ANO10: variants seen among roughly 807,000 people sequenced by gnomAD.
ANO10 encodes the protein anoctamin 10, also known as anoctamin-10.
In ANO10, 77 loss-of-function variants were observed where a neutral mutation model predicts 74.7. The ratio of observed to expected loss-of-function variants is 1.03; its 90% CI spans 0.86 to 1.25. The LOEUF (loss-of-function observed/expected upper bound fraction) is 1.25. Among genes scored for constraint, ANO10 ranks in the 50% most tolerant of loss-of-function variants. The pLI is 0.00. For missense variants in ANO10, 721 were observed against 778.1 expected, an observed-to-expected ratio of 0.93 and a Z score of 0.87; for synonymous variants, 279 against 284.9, an observed-to-expected ratio of 0.98 and a Z score of 0.21.
At chr3:43,538,492 A>G (rs2078813842) in intron 11 of ANO10, among the ~76,000 whole-genome samples, 1 of 152,226 alleles carries the variant, frequency 6.6e-6, no homozygotes, top group Non-Finnish European at 1.5e-5. Context: ...ATACAGAAGG[A>G]TACCTTAAAG....
chr3:43,452,934 T>A (rs541378966), intron 11 of ANO10, among the ~76,000 whole-genome samples: 1 of 152,226 alleles, frequency 6.6e-6, no homozygotes, highest in Non-Finnish European at 1.5e-5. Flanking sequence ...TGATGGCTAA[T>A]GATGTAAATA....
chr3:43,530,740 T>C (rs2078429283), intron 11 of ANO10, among the ~76,000 whole-genome samples: 1 of 152,216 alleles, frequency 6.6e-6, no homozygotes, highest in South Asian at 2.1e-4. Context: ...TTACTGTCTC[T>C]AATTTATCAA....
chr3:43,564,029 A>G (rs1191908271), intron 8 of ANO10, among the ~76,000 whole-genome samples: 2 of 152,164 alleles, frequency 1.3e-5, no homozygotes, highest in Non-Finnish European at 2.9e-5. Context: ...GATACTCTAA[A>G]TACCTTGATT....
intron 1 of ANO10, among the ~76,000 whole-genome samples, chr3:43,642,036 C>T (rs1437285563): frequency 1.3e-5 from 2 of 152,162 alleles, no homozygotes; most frequent in East Asian, 3.8e-4. Context: ...CTAATAAGGA[C>T]ATTCTCCTTA....
chr3:43,568,572 C>T (rs1327831532), intron 7 of ANO10, among the ~76,000 whole-genome samples: 1 of 148,210 alleles, frequency 6.7e-6, no homozygotes. Flanking sequence ...GAACAACCTG[C>T]TCCTGAATGA....
At chr3:43,395,534 G>GA (rs1282308041) in intron 12 of ANO10, among the ~76,000 whole-genome samples, 1 of 151,974 alleles carries the variant, frequency 6.6e-6, no homozygotes, top group Non-Finnish European at 1.5e-5. Context: ...ACCGTTTATT[G>GA]AAAAGACTAT....
intron 1 of ANO10, among the ~76,000 whole-genome samples, chr3:43,621,101 C>A (rs1293667627): frequency 6.6e-6 from 1 of 152,186 alleles, no homozygotes; most frequent in Non-Finnish European, 1.5e-5. Flanking sequence ...CAATATGATA[C>A]AACTGTGTCT....
At chr3:43,585,858 G>A (rs747501893) in intron 4 of ANO10, among the ~76,000 whole-genome samples, 6 of 152,152 alleles carry the variant, frequency 3.9e-5, no homozygotes, top group Non-Finnish European at 5.9e-5. Flanking sequence ...GGAAATCCTG[G>A]TTACAAATAG....
At chr3:43,448,299 C>T (rs2093278593) in intron 11 of ANO10, among the ~76,000 whole-genome samples, 1 of 151,976 alleles carries the variant, frequency 6.6e-6, no homozygotes, top group African/African-American at 2.4e-5. Context: ...TTTTACTGCC[C>T]TAAAAACCCC....
chr3:43,569,187 A>G (rs1449081629), intron 7 of ANO10, among the ~76,000 whole-genome samples: 1 of 145,804 alleles, frequency 6.9e-6, no homozygotes, highest in Non-Finnish European at 1.5e-5. Context: ...AATTGTGGCA[A>G]TAATCAATAG....
intron 1 of ANO10, among the ~76,000 whole-genome samples, chr3:43,656,238 G>GTGCT (rs1238985854): frequency 6.6e-6 from 1 of 152,020 alleles, no homozygotes; most frequent in African/African-American, 2.4e-5. Flanking sequence ...TAGACACAGG[G>GTGCT]TGCTGATTGG....
At chr3:43,690,456 CAACT>C (rs1350487466) in intron 1 of ANO10, 2 of 153,412 alleles carry the variant, frequency 1.3e-5, no homozygotes, top group African/African-American at 4.8e-5. Context: ...GAGCAGTGCT[CAACT>C]GACTGAAGGC....
intron 11 of ANO10, among the ~76,000 whole-genome samples, chr3:43,549,235 T>G (rs773394794): frequency 6.6e-6 from 1 of 151,924 alleles, no homozygotes; most frequent in Non-Finnish European, 1.5e-5. Flanking sequence ...CCCAAATAGC[T>G]AGGACTACAA....
intron 11 of ANO10, among the ~76,000 whole-genome samples, chr3:43,522,505 AG>A (rs1178170248): frequency 6.6e-6 from 1 of 152,140 alleles, no homozygotes; most frequent in Non-Finnish European, 1.5e-5. Flanking sequence ...ACAAACCAAG[AG>A]CTTCATACAA....
intron 11 of ANO10, among the ~76,000 whole-genome samples, chr3:43,461,833 G>A (rs774865082): frequency 6.6e-5 from 10 of 152,188 alleles, no homozygotes; most frequent in Non-Finnish European, 1.2e-4. Context: ...GGGCGCTGCT[G>A]AAAAGATACC....
Position 43,565,515 on chromosome 3 carries a change from T to C in ANO10, c.1293+138A>G, listed in dbSNP as rs189832189. 218 of 787,718 alleles carry C rather than the reference T, an allele frequency of 2.8e-4. 1 individual carries two copies. In the African/African-American group the frequency reaches 3.0e-3, roughly 11 times the overall value. 48.8% of individuals were successfully genotyped at this position (787,718 alleles called of 1,614,324 possible). A position where few individuals can be genotyped will look rare whatever the true frequency, so the allele number is the denominator to read the frequency against. On this transcript the variant is annotated intron_variant, in intron 8 of 12. Coordinates refer to ENST00000292246, the MANE Select transcript of ANO10 (RefSeq NM_018075.5). Reference sequence around the variant, plus strand: ...AATGCCATTCCTAATAATTTTTTATTTAGAATTTGGCTTAAAAACATACAA... The same window carrying C: ...AATGCCATTCCTAATAATTTTTTATCTAGAATTTGGCTTAAAAACATACAA...
chr3:43,490,798 AC>A (rs1010370886), intron 11 of ANO10, among the ~76,000 whole-genome samples: 1 of 152,150 alleles, frequency 6.6e-6, no homozygotes, highest in Admixed American at 6.6e-5. Flanking sequence ...TCCCAGCACC[AC>A]CCCCACACAC....
chr3:43,449,704 A>C (rs2074768658), intron 11 of ANO10, among the ~76,000 whole-genome samples: 1 of 150,520 alleles, frequency 6.6e-6, no homozygotes, highest in Non-Finnish European at 1.5e-5. Context: ...GCTTTACAGC[A>C]AGTTTCGAAG....
intron 1 of ANO10, among the ~76,000 whole-genome samples, chr3:43,663,914 C>T (rs1409874347): frequency 6.6e-6 from 1 of 152,214 alleles, no homozygotes; most frequent in East Asian, 1.9e-4. Context: ...ATCCCATGCT[C>T]ATGGATAGGA....
Sources: allele counts gnomAD v4.1 joint callset (sites outside exome capture counted in the v4.1 genomes callset), GRCh38; gene constraint gnomAD v4.1.1; transcripts MANE v1.5; gene names NCBI Gene and HGNC (gene_info 2026-07-23, HGNC 2026-07-21).